Variants in NUDC observed in about 807,000 individuals in gnomAD.
The protein encoded by NUDC is nuclear migration protein nudC.
NUDC carries 14 observed loss-of-function variants against 45.0 expected under a neutral mutation model. That is an observed-to-expected ratio of 0.31 (90% confidence interval 0.21 to 0.49). The LOEUF is 0.49. Ranked by LOEUF, NUDC falls within the 20% of genes least tolerant of loss-of-function variation. The pLI is 0.99. For missense variants in NUDC, 323 were observed against 426.2 expected, an observed-to-expected ratio of 0.76 and a Z score of 2.13; for synonymous variants, 153 against 156.7, an observed-to-expected ratio of 0.98 and a Z score of 0.17.
At chr1:26,937,796 G>A (rs993966714) in intron 2 of NUDC, among the ~76,000 whole-genome samples, 6 of 151,720 alleles carry the variant, frequency 4.0e-5, no homozygotes, top group Admixed American at 6.6e-5. Context: ...GGAACTACAG[G>A]TACCACTACA....
At chr1:26,905,237 T>A (rs2081998376) in intron 2 of NUDC, among the ~76,000 whole-genome samples, 2 of 147,100 alleles carry the variant, frequency 1.4e-5, no homozygotes, top group South Asian at 4.4e-4. Context: ...CTCGGCTCAC[T>A]GCAACCTCCG....
At chr1:26,936,618 G>A (rs943076754) in intron 2 of NUDC, among the ~76,000 whole-genome samples, 2 of 151,960 alleles carry the variant, frequency 1.3e-5, no homozygotes, top group Admixed American at 6.6e-5. Flanking sequence ...GGGATTACAG[G>A]CGTGAGTCAC....
upstream of NUDC, among the ~76,000 whole-genome samples, chr1:26,918,418 C>A (rs1007567156): frequency 6.6e-5 from 10 of 151,512 alleles, no homozygotes; most frequent in Admixed American, 5.9e-4. Context: ...GGACTACAGG[C>A]GCCTGCCACC....
intron 1 of NUDC, 166 bp downstream of exon 1, chr1:26,922,095 TCA>T: frequency 1.4e-6 from 1 of 707,864 alleles, no homozygotes. Context: ...CCAGCAGGTC[TCA>T]CCCGGTTCGC....
intron 2 of NUDC, 83 bp from the exon 3 acceptor site, chr1:26,941,374 G>GC (rs923824448): frequency 1.4e-6 from 2 of 1,445,502 alleles, no homozygotes; most frequent in Non-Finnish European, 1.9e-6. Flanking sequence ...CTTGCACCCA[G>GC]CAGGTAGAGA....
intron 2 of NUDC, among the ~76,000 whole-genome samples, chr1:26,928,851 A>G (rs950306983): frequency 1.3e-5 from 2 of 152,198 alleles, no homozygotes; most frequent in African/African-American, 4.8e-5. Context: ...TGCTATGGAA[A>G]ACGTTATGGC....
upstream of NUDC, among the ~76,000 whole-genome samples, chr1:26,919,308 C>T (rs902021559): frequency 7.9e-5 from 12 of 152,156 alleles, no homozygotes; most frequent in African/African-American, 2.9e-4. Context: ...AGGTTTGTTA[C>T]ATATGTATAC....
chr1:26,941,391 C>G, intron 2 of NUDC, 66 bp from the exon 3 acceptor site: 1 of 1,547,898 alleles, frequency 6.5e-7, no homozygotes, highest in South Asian at 1.2e-5. Context: ...GAGAGTGGGG[C>G]TGGACTCCAG....
chr1:26,939,911 G>A (rs17162345), intron 2 of NUDC, among the ~76,000 whole-genome samples: 4,423 of 152,258 alleles, frequency 0.029, 205 homozygotes, highest in African/African-American at 0.099. Flanking sequence ...TCCTCATGAC[G>A]GATAAGGAAA....
intron 3 of NUDC, chr1:26,912,221 C>A: frequency 2.2e-6 from 2 of 925,206 alleles, no homozygotes; most frequent in Admixed American, 2.7e-5. Context: ...CCCACTACTA[C>A]CTCCTCCTTT....
Position 26,946,450 on chromosome 1 carries a change from G to A in NUDC, c.*269G>A, listed in dbSNP as rs374436765. ...TTTCTCTGGGGCACAGGCCTCTTAC[G>A]GCTGCTGCTGGGAACTGGGAGTTTG... On this transcript the variant is annotated 3_prime_UTR_variant, in exon 9 of 9. Coordinates refer to ENST00000321265, the MANE Select transcript of NUDC (RefSeq NM_006600.4). The A allele has an allele frequency of 1.6e-5, 8 of 496,070 alleles. No individual in the cohort carries two copies. The highest frequency in any genetic ancestry group is 1.0e-4 in the South Asian group (5 of 48,292). 30.7% of individuals were successfully genotyped at this position (496,070 alleles called of 1,614,324 possible).
Position 26,922,321 on chromosome 1 carries a change from G to A in NUDC, c.81+392G>A, listed in dbSNP as rs950192461. The A allele has an allele frequency of 5.2e-5, 16 of 310,532 alleles. No individual in the cohort carries two copies. In the Admixed American group the frequency reaches 6.8e-4, roughly 13 times the overall value. The allele number at this position is 310,532 out of a possible 1,614,324, so 19.2% of individuals were successfully genotyped here. A position where few individuals can be genotyped will look rare whatever the true frequency, so the allele number is the denominator to read the frequency against. On this transcript the variant is annotated intron_variant, in intron 1 of 8. Coordinates refer to ENST00000321265, the MANE Select transcript of NUDC (RefSeq NM_006600.4). ...GTCGAATGTGTGTGGTAGGGGAGCG[G>A]GCTGATGTTAGCACGTGGTCTTGTT... is the stretch of plus-strand genomic sequence containing the variant.
chr1:26,913,261 TG>T (rs1207672429), intron 3 of NUDC: 2 of 763,864 alleles, frequency 2.6e-6, no homozygotes, highest in Middle Eastern at 3.6e-4. Context: ...CACTCCAGAC[TG>T]GGTGACAGAG....
intron 6 of NUDC, among the ~76,000 whole-genome samples, chr1:26,944,775 TCA>T (rs949868281): frequency 6.6e-6 from 1 of 150,742 alleles, no homozygotes; most frequent in African/African-American, 2.5e-5. Flanking sequence ...ACATGGTGGC[TCA>T]CACCTGTAAT....
At position 26,945,739 on chromosome 1, in the gene NUDC, C is replaced by T. The variant is rs181586051; in HGVS notation, c.944+53C>T. ...GACCGTGGGTGCCTGGGGGCTTAGA[C>T]TTCGGTGACAGCAGTGAGTGGATCA... is the stretch of plus-strand genomic sequence containing the variant. On this transcript the variant is annotated intron_variant, in intron 8 of 8. Transcript: ENST00000321265. The T allele has an allele frequency of 3.5e-4, 455 of 1,286,846 alleles. 1 individual carries two copies. The African/African-American group carries it at 5.8e-3, about 16-fold the overall frequency. 79.7% of individuals were successfully genotyped at this position (1,286,846 alleles called of 1,614,324 possible).
chr1:26,920,273 T>C (rs1557669855), upstream of NUDC, among the ~76,000 whole-genome samples: 1 of 152,068 alleles, frequency 6.6e-6, no homozygotes, highest in Non-Finnish European at 1.5e-5. Flanking sequence ...GTGGATCACT[T>C]GAGGTCAGGA....
intron 2 of NUDC, among the ~76,000 whole-genome samples, chr1:26,924,811 A>G (rs2082118088): frequency 1.3e-5 from 2 of 151,586 alleles, no homozygotes; most frequent in South Asian, 4.2e-4. Flanking sequence ...TCGGCCTCCC[A>G]AAGTGCTGGG....
chr1:26,937,559 C>G (rs1007294380), intron 2 of NUDC, among the ~76,000 whole-genome samples: 5 of 151,482 alleles, frequency 3.3e-5, no homozygotes, highest in African/African-American at 1.2e-4. Flanking sequence ...CTGGGATTAC[C>G]GGTATGAGCC....
Position 26,945,583 on chromosome 1 carries a change from A to C in NUDC, c.841A>C (p.Ser281Arg). The C allele has an allele frequency of 6.2e-7, 1 of 1,614,164 alleles. No homozygotes were observed. Among genetic ancestry groups the C allele is most frequent in the South Asian group, 1.1e-5 (1 of 91,086 alleles). The change falls in exon 8 of 9, where the codon AGT (serine) becomes CGT (arginine). Residue 281 changes from serine to arginine, a missense_variant. Around this residue, in one of 3 missense-constraint regions of NUDC, gnomAD observed 54 missense variants for 100.2 expected, o/e 0.54. Transcript: ENST00000321265. Reference protein sequence around the residue: ...PENSKLSDLDSETRSMVEKMM... With the variant: ...PENSKLSDLDRETRSMVEKMM... ...CTGCCCTCAGCTGTCAGACCTGGAC[A>C]GTGAGACTCGCAGCATGGTGGAAAA...
Sources: allele counts gnomAD v4.1 joint callset (sites outside exome capture counted in the v4.1 genomes callset), GRCh38; gene constraint gnomAD v4.1.1; regional missense constraint gnomAD v4.1.1; transcripts MANE v1.5; gene names NCBI Gene and HGNC (gene_info 2026-07-23, HGNC 2026-07-21).